The following SPPL2A variants were observed in gnomAD, a reference collection of about 807,000 sequenced individuals.
The protein encoded by SPPL2A is signal peptide peptidase like 2A.
A neutral mutation model predicts 63.8 loss-of-function variants in SPPL2A; 51 were observed. That is an observed-to-expected ratio of 0.80 (90% CI 0.64 to 1.01). The LOEUF (loss-of-function observed/expected upper bound fraction) is 1.01. SPPL2A is among the 50% of genes least tolerant of loss of function. SPPL2A has a pLI of 0.00. For missense variants in SPPL2A, 553 were observed against 622.7 expected, an observed-to-expected ratio of 0.89 and a Z score of 1.19; for synonymous variants, 188 against 205.8, an observed-to-expected ratio of 0.91 and a Z score of 0.74.
At chr15:50,718,817 A>T (rs1417851483) in intron 14 of SPPL2A, among the ~76,000 whole-genome samples, 1 of 152,154 alleles carries the variant, frequency 6.6e-6, no homozygotes, top group Non-Finnish European at 1.5e-5. Context: ...ATGGACTTTG[A>T]ACTGTTTATC....
intron 14 of SPPL2A, among the ~76,000 whole-genome samples, chr15:50,711,278 C>G (rs1482124248): frequency 6.8e-6 from 1 of 146,708 alleles, no homozygotes; most frequent in African/African-American, 2.5e-5. Flanking sequence ...GGCGCGATCT[C>G]GGCTCACTGC....
intron 5 of SPPL2A, among the ~76,000 whole-genome samples, chr15:50,741,025 T>C (rs900252204): frequency 1.3e-5 from 2 of 152,208 alleles, no homozygotes; most frequent in African/African-American, 4.8e-5. Context: ...AGGCATAACT[T>C]TGTCCTACCT....
chr15:50,759,410 G>A (rs1360622823), intron 1 of SPPL2A, among the ~76,000 whole-genome samples: 3 of 152,006 alleles, frequency 2.0e-5, no homozygotes, highest in Non-Finnish European at 4.4e-5. Context: ...GCAAGATTCT[G>A]TCTCTATTAA....
intron 14 of SPPL2A, among the ~76,000 whole-genome samples, chr15:50,715,435 A>C (rs543573154): frequency 4.3e-4 from 65 of 152,354 alleles, no homozygotes; most frequent in Non-Finnish European, 7.5e-4. Context: ...AAGGTGCTAG[A>C]ATCAACCAGA....
Position 50,748,794 on chromosome 15 carries a change from C to T in SPPL2A, c.254G>A (p.Ser85Asn). 6.2e-7 allele frequency: 1 copy of T among 1,612,346 alleles called. No individual in the cohort carries two copies. ...TCCCCATGGAACCACAACTGCTTTGCTCTTTATGCCAACAGGAGGAATATC... is the reference window on the plus strand; with the variant it reads ...TCCCCATGGAACCACAACTGCTTTGTTCTTTATGCCAACAGGAGGAATATC... Reference protein sequence around the residue: ...LSDIPPVGIKSKAVVVPWGSC... With the variant: ...LSDIPPVGIKNKAVVVPWGSC... Residue 85 changes from serine (S) to asparagine (N), a missense_variant, in exon 3 of 15, where the codon AGC (serine) becomes AAC (asparagine). Coordinates refer to ENST00000261854, the MANE Select transcript of SPPL2A (RefSeq NM_032802.4).
intron 1 of SPPL2A, among the ~76,000 whole-genome samples, chr15:50,759,008 G>A (rs925824962): frequency 1.3e-5 from 2 of 152,042 alleles, no homozygotes; most frequent in Admixed American, 1.3e-4. Flanking sequence ...ACTCCTGGGT[G>A]ACTCACCTCA....
intron 5 of SPPL2A, among the ~76,000 whole-genome samples, chr15:50,742,134 G>C (rs906149994): frequency 1.3e-5 from 2 of 152,070 alleles, no homozygotes; most frequent in African/African-American, 4.8e-5. Flanking sequence ...TTTAGGCTGG[G>C]CATGGTAGCT....
At chr15:50,746,180 C>G (rs1232192844) in intron 5 of SPPL2A, among the ~76,000 whole-genome samples, 1 of 151,822 alleles carries the variant, frequency 6.6e-6, no homozygotes, top group African/African-American at 2.4e-5. Context: ...TGACTCACAC[C>G]TGTAATCCCA....
At chr15:50,730,708 G>C (rs996369641) in intron 10 of SPPL2A, among the ~76,000 whole-genome samples, 2 of 151,942 alleles carry the variant, frequency 1.3e-5, no homozygotes, top group African/African-American at 4.8e-5. Context: ...TAAACATTTA[G>C]CTCATAAGAA....
intron 14 of SPPL2A, among the ~76,000 whole-genome samples, chr15:50,712,606 AAGCTAACCCACCACTATGG>A (rs1349123224): frequency 1.3e-5 from 2 of 150,626 alleles, no homozygotes; most frequent in African/African-American, 2.4e-5. Flanking sequence ...ACCAAGCCTT[AAGCTAACCCACCACTATGG>A]ATTTCCTTCC....
rs752620935 is a variant in SPPL2A at position 50,747,496 on chromosome 15, A to T, written c.583T>A (p.Leu195Met). 51 of 1,598,618 alleles carry T rather than the reference A, an allele frequency of 3.2e-5. No individual in the cohort carries two copies. Among genetic ancestry groups the T allele is most frequent in the Non-Finnish European group, 4.1e-5 (48 of 1,176,230 alleles). ...AACGCTTAAGTTAATTAAACTTACA[A>T]TTCAACTAGTCCACTCCAGTATCCA... ...LGGYWSGLVE[L>M]ENLKAVTTED... Residue 195 changes from leucine to methionine, a missense_variant and splice_region_variant, in exon 5 of 15, where the codon TTG becomes ATG. Transcript: ENST00000261854.
chr15:50,725,346 A>G, intron 11 of SPPL2A, 23 bp from the exon 12 acceptor site: 2 of 1,244,800 alleles, frequency 1.6e-6, no homozygotes, highest in South Asian at 1.3e-5. Context: ...AAAACAAAAC[A>G]AAACAAAACA....
At chr15:50,749,501 T>G in intron 2 of SPPL2A, 135 bp downstream of exon 2, 1 of 634,204 alleles carries the variant, frequency 1.6e-6, no homozygotes, top group Non-Finnish European at 2.8e-6. Flanking sequence ...TTAGCCAGGA[T>G]GGTCTTGATC....
At chr15:50,714,737 G>A (rs1448975210) in intron 14 of SPPL2A, among the ~76,000 whole-genome samples, 1 of 150,952 alleles carries the variant, frequency 6.6e-6, no homozygotes, top group Non-Finnish European at 1.5e-5. Context: ...GAGGTCAGAA[G>A]TTCAGGACCA....
At chr15:50,760,472 G>A (rs926949360) in intron 1 of SPPL2A, among the ~76,000 whole-genome samples, 3 of 152,046 alleles carry the variant, frequency 2.0e-5, no homozygotes, top group African/African-American at 7.2e-5. Context: ...TGTTGGCCAG[G>A]CTGGTTTCGA....
intron 5 of SPPL2A, among the ~76,000 whole-genome samples, chr15:50,746,436 CAAAAAAAAAA>C (rs71127139): frequency 3.9e-4 from 34 of 87,048 alleles, no homozygotes; most frequent in Admixed American, 7.6e-4. Flanking sequence ...GACTCTGTAT[CAAAAAAAAAA>C]AAAAAAAAAA....
At chr15:50,757,688 G>A (rs1055937012) in intron 1 of SPPL2A, among the ~76,000 whole-genome samples, 2 of 152,102 alleles carry the variant, frequency 1.3e-5, no homozygotes, top group African/African-American at 4.8e-5. Context: ...ATGGTATTCT[G>A]GGATCTCATG....
At chr15:50,717,196 G>C (rs2062605008) in intron 14 of SPPL2A, among the ~76,000 whole-genome samples, 1 of 152,110 alleles carries the variant, frequency 6.6e-6, no homozygotes, top group African/African-American at 2.4e-5. Flanking sequence ...TTTTGAGACA[G>C]GGTCTCACTC....
At chr15:50,750,199 G>C (rs1431432527) in intron 1 of SPPL2A, among the ~76,000 whole-genome samples, 2 of 152,116 alleles carry the variant, frequency 1.3e-5, no homozygotes, top group African/African-American at 4.8e-5. Flanking sequence ...CACCTCCTGG[G>C]TTCAAGCAAT....
Sources: allele counts gnomAD v4.1 joint callset (sites outside exome capture counted in the v4.1 genomes callset), GRCh38; gene constraint gnomAD v4.1.1; transcripts MANE v1.5; gene names NCBI Gene and HGNC (gene_info 2026-07-23, HGNC 2026-07-21).